Variants in COX7A2L observed in about 807,000 individuals in gnomAD.
COX7A2L encodes cytochrome c oxidase subunit 7A2-like, mitochondrial.
A neutral mutation model predicts 14.2 loss-of-function variants in COX7A2L; 18 were observed. That is an observed-to-expected ratio of 1.27 (90% CI 0.88 to 1.88). The LOEUF (loss-of-function observed/expected upper bound fraction) is 1.88. Among genes scored for constraint, COX7A2L ranks in the 40% most tolerant of loss-of-function variants. COX7A2L has a pLI of 0.00. For missense variants in COX7A2L, 179 were observed against 138.8 expected, an observed-to-expected ratio of 1.29 and a Z score of -1.46; for synonymous variants, 65 against 57.4, an observed-to-expected ratio of 1.13 and a Z score of -0.60.
At chr2:42,349,032 C>G (rs1392842603), downstream of COX7A2L, among the ~76,000 whole-genome samples, 1 of 152,110 alleles carries the variant, frequency 6.6e-6, no homozygotes, top group Non-Finnish European at 1.5e-5. Flanking sequence ...TTAAATGGTA[C>G]AACTGAGTTG....
intron 1 of COX7A2L, among the ~76,000 whole-genome samples, chr2:42,360,289 T>C (rs181229337): frequency 1.3e-4 from 20 of 152,300 alleles, no homozygotes; most frequent in African/African-American, 4.8e-4. Flanking sequence ...ACACACTTCA[T>C]TTAATGTGTA....
chr2:42,336,778 A>G (rs928276851), intron 2 of COX7A2L, among the ~76,000 whole-genome samples: 2 of 152,102 alleles, frequency 1.3e-5, no homozygotes, highest in Admixed American at 1.3e-4. Context: ...TACAAGAAAC[A>G]TGCATTGTGT....
chr2:42,367,432 G>A (rs1231626848), intron 1 of COX7A2L, among the ~76,000 whole-genome samples: 1 of 152,158 alleles, frequency 6.6e-6, no homozygotes, highest in African/African-American at 2.4e-5. Context: ...GAGAGCTGGG[G>A]TCTTCTCCCG....
intron 2 of COX7A2L, among the ~76,000 whole-genome samples, chr2:42,341,638 G>A (rs1372585210): frequency 6.6e-6 from 1 of 152,202 alleles, no homozygotes. Flanking sequence ...CTTTCCAAAT[G>A]ACAATTTGCT....
chr2:42,367,378 A>G (rs1200846218), intron 1 of COX7A2L, among the ~76,000 whole-genome samples: 1 of 152,246 alleles, frequency 6.6e-6, no homozygotes, highest in Non-Finnish European at 1.5e-5. Context: ...ACTAGTGCCT[A>G]GGCAAGGCCT....
At chr2:42,344,391 T>C (rs1670455164), downstream of COX7A2L, among the ~76,000 whole-genome samples, 1 of 152,220 alleles carries the variant, frequency 6.6e-6, no homozygotes, top group Non-Finnish European at 1.5e-5. Context: ...AATGAAAGTC[T>C]CCTTTTGCTC....
At position 42,353,212 on chromosome 2, in the gene COX7A2L, C is replaced by G; in HGVS notation, c.204G>C (p.Gln68His). ...TCTGTTGTAGAGTATCTTCCCTCACCTGGAAAAACTTTTGTAGCTCTGGAA... is the reference window on the plus strand; with the variant it reads ...TCTGTTGTAGAGTATCTTCCCTCACGTGGAAAAACTTTTGTAGCTCTGGAA... Reference protein sequence around the residue: ...NKVPELQKFFQKADGVPVYLK... With the variant: ...NKVPELQKFFHKADGVPVYLK... The change falls in exon 2 of 3, where the codon CAG becomes CAC. Residue 68 changes from glutamine to histidine, a missense_variant and splice_region_variant. By Grantham distance (24) the Gln-to-His change is conservative. Coordinates refer to ENST00000234301, the MANE Select transcript of COX7A2L (RefSeq NM_004718.4). 1 of 1,613,820 alleles carries G rather than the reference C, an allele frequency of 6.2e-7. No homozygotes were observed. The highest frequency in any genetic ancestry group is 8.5e-7 in the Non-Finnish European group (1 of 1,179,950).
chr2:42,348,158 C>A (rs1670535339), downstream of COX7A2L, among the ~76,000 whole-genome samples: 1 of 152,164 alleles, frequency 6.6e-6, no homozygotes, highest in Non-Finnish European at 1.5e-5. Flanking sequence ...CATCAAATTT[C>A]TTTAAAGGCT....
At chr2:42,345,690 G>A (rs1422756387), downstream of COX7A2L, among the ~76,000 whole-genome samples, 2 of 152,318 alleles carry the variant, frequency 1.3e-5, no homozygotes, top group East Asian at 3.9e-4. Flanking sequence ...TTAATTTTAG[G>A]AGGTATAATG....
At chr2:42,353,494 T>C (rs1388048688) in intron 1 of COX7A2L, 151 bp from the exon 2 acceptor site, 4 of 1,013,132 alleles carry the variant, frequency 3.9e-6, no homozygotes, top group Non-Finnish European at 5.8e-6. Context: ...GCCATTACGA[T>C]TGCAGGGGGC....
chr2:42,347,748 C>G (rs1277086112), downstream of COX7A2L, among the ~76,000 whole-genome samples: 1 of 152,100 alleles, frequency 6.6e-6, no homozygotes, highest in Non-Finnish European at 1.5e-5. Flanking sequence ...CCGGAGAAAC[C>G]CCGTCTCTAC....
chr2:42,351,288 C>G lies in COX7A2L; in HGVS notation c.276G>C (p.Ala92=), dbSNP rs776114196. 6.2e-7 allele frequency: 1 copy of G among 1,614,160 alleles called. No homozygotes were observed. The highest frequency in any genetic ancestry group is 8.5e-7 in the Non-Finnish European group (1 of 1,180,024). The change falls in exon 3 of 3, where the codon GCG becomes GCC. Residue 92 remains alanine, a synonymous_variant. Coordinates refer to ENST00000234301, the MANE Select transcript of COX7A2L (RefSeq NM_004718.4). The part of the protein sequence containing the change: ...PDQMLYRTTM[A]LTVGGTIYCL... The stretch of plus-strand genomic sequence containing the variant: ...AGTAGATGGTCCCTCCCACAGTCAG[C>G]GCCATGGTGGTCCGGTAAAGCATTT...
chr2:42,335,697 G>A (rs532949973), intron 2 of COX7A2L, among the ~76,000 whole-genome samples: 2 of 152,356 alleles, frequency 1.3e-5, no homozygotes, highest in East Asian at 1.9e-4. Context: ...TCCCGCCTCC[G>A]GAGTCCGTGC....
intron 2 of COX7A2L, 175 bp downstream of exon 2, chr2:42,353,037 G>C (rs1387262612): frequency 1.4e-6 from 1 of 740,044 alleles, no homozygotes; most frequent in Non-Finnish European, 2.2e-6. Context: ...TCTTTTATCA[G>C]TATCTACCTA....
chr2:42,353,252 G>A lies in COX7A2L; in HGVS notation c.164C>T (p.Ala55Val), dbSNP rs1335533138. ...TAGCTCTGGAACTTTGTTTTTCCCAGCATAATCATACACTGTGGAATCGGA... is the reference window on the plus strand; with the variant it reads ...TAGCTCTGGAACTTTGTTTTTCCCAACATAATCATACACTGTGGAATCGGA... Reference protein sequence around the residue: ...LTSDSTVYDYAGKNKVPELQK... With the variant: ...LTSDSTVYDYVGKNKVPELQK... The change falls in exon 2 of 3, where the codon GCT (alanine) becomes GTT (valine). Residue 55 changes from alanine to valine, a missense_variant. Coordinates refer to ENST00000234301, the MANE Select transcript of COX7A2L (RefSeq NM_004718.4). 4 of 1,613,954 alleles carry A rather than the reference G, an allele frequency of 2.5e-6. No individual in the cohort carries two copies. The highest frequency in any genetic ancestry group is 3.4e-6 in the Non-Finnish European group (4 of 1,180,012).
At chr2:42,351,386 T>A (rs772857167) in intron 2 of COX7A2L, 27 bp from the exon 3 acceptor site, 41 of 1,607,178 alleles carry the variant, frequency 2.6e-5, no homozygotes, top group Non-Finnish European at 3.4e-5. Flanking sequence ...AACAAGGGCA[T>A]GGTTGAGAAG....
chr2:42,364,120 G>T (rs1341987599), upstream of COX7A2L, among the ~76,000 whole-genome samples: 1 of 151,968 alleles, frequency 6.6e-6, no homozygotes, highest in South Asian at 2.1e-4. Context: ...GCGTGGTAGC[G>T]GGCGCCTGTA....
At chr2:42,344,791 C>T (rs1409255581), downstream of COX7A2L, among the ~76,000 whole-genome samples, 2 of 151,156 alleles carry the variant, frequency 1.3e-5, no homozygotes, top group African/African-American at 4.9e-5. Flanking sequence ...GCGGAGCTTG[C>T]AGTGAGCTGA....
upstream of COX7A2L, among the ~76,000 whole-genome samples, chr2:42,364,335 G>A (rs1025809932): frequency 6.6e-6 from 1 of 151,978 alleles, no homozygotes; most frequent in African/African-American, 2.4e-5. Flanking sequence ...GTCATTGTGG[G>A]CTCCCGTTTC....
Sources: gnomAD v4.1 joint callset for allele counts (sites outside exome capture counted in the v4.1 genomes callset) on GRCh38, gnomAD v4.1.1 for gene constraint, MANE v1.5 for transcripts, NCBI Gene and HGNC (gene_info 2026-07-23, HGNC 2026-07-21) for gene names.